The following FUT8 variants were observed in gnomAD, a reference collection of about 807,000 sequenced individuals.
FUT8 encodes the protein fucosyltransferase 8.
In FUT8, 29 loss-of-function variants were observed where a neutral mutation model predicts 71.3. The observed-to-expected ratio is 0.41, with a 90% CI of 0.30 to 0.55. The LOEUF (loss-of-function observed/expected upper bound fraction) is 0.55, where lower values mean the gene tolerates loss of function less well. FUT8 is among the 20% of genes least tolerant of loss of function. FUT8 has a pLI of 0.34. For missense variants in FUT8, 544 were observed against 702.1 expected (o/e 0.77, Z 2.55); for synonymous variants, 254 against 239.3 (o/e 1.06, Z -0.57).
chr14:65,388,141 C>T, the FUT8 span, among the ~76,000 whole-genome samples: 5 of 152,298 alleles, frequency 3.3e-5, no homozygotes, highest in South Asian at 1.0e-3. Flanking sequence ...GATAAAGTTT[C>T]AGCAGTATGG....
At chr14:65,668,416 C>T (rs1044113162) in intron 6 of FUT8, among the ~76,000 whole-genome samples, 5 of 152,104 alleles carry the variant, frequency 3.3e-5, no homozygotes, top group African/African-American at 1.2e-4. Context: ...TTTCAAAAGA[C>T]ATATACACAG....
At chr14:65,524,798 T>TAGCATGCAGA (rs1883333130) in intron 2 of FUT8, among the ~76,000 whole-genome samples, 2 of 152,212 alleles carry the variant, frequency 1.3e-5, no homozygotes, top group Admixed American at 1.3e-4. Context: ...TGTTGAATTT[T>TAGCATGCAGA]GTCAAAGGCC....
intron 3 of FUT8, among the ~76,000 whole-genome samples, chr14:65,580,113 G>T (rs1887002741): frequency 6.9e-6 from 1 of 145,756 alleles, no homozygotes; most frequent in Non-Finnish European, 1.5e-5. Context: ...TTAAGGGCGG[G>T]ATTACATTCT....
At chr14:65,658,527 A>G (rs568659475) in intron 6 of FUT8, among the ~76,000 whole-genome samples, 107 of 152,272 alleles carry the variant, frequency 7.0e-4, no homozygotes, top group African/African-American at 2.5e-3. Context: ...AACAACCCAA[A>G]TGTCCTTCAG....
At chr14:65,410,832 G>T (rs1240508459), upstream of FUT8, 6 of 151,750 alleles carry the variant, frequency 4.0e-5, no homozygotes, top group Non-Finnish European at 7.4e-5. Context: ...AGGCTGAAGT[G>T]GCTACTGACA....
At chr14:65,561,868 C>A in intron 3 of FUT8, 102 bp downstream of exon 3, 2 of 928,040 alleles carry the variant, frequency 2.2e-6, no homozygotes, top group Non-Finnish European at 3.3e-6. Context: ...ATTTTTATAA[C>A]CTGCTGTCTT....
intron 2 of FUT8, among the ~76,000 whole-genome samples, chr14:65,503,432 C>T (rs1040620970): frequency 1.1e-4 from 16 of 152,208 alleles, no homozygotes; most frequent in African/African-American, 3.4e-4. Context: ...TGGCATTTCT[C>T]TGCTTTTGAC....
upstream of FUT8, among the ~76,000 whole-genome samples, chr14:65,408,263 A>G (rs1424381888): frequency 6.6e-6 from 1 of 152,172 alleles, no homozygotes; most frequent in Non-Finnish European, 1.5e-5. Context: ...TCTGGAGAAG[A>G]GTAAACACTG....
At chr14:65,435,608 C>T (rs527827258) in intron 1 of FUT8, among the ~76,000 whole-genome samples, 57 of 151,746 alleles carry the variant, frequency 3.8e-4, no homozygotes, top group African/African-American at 1.3e-3. Context: ...GTTTTCATTT[C>T]ACTTGGGTAA....
At chr14:65,679,591 T>C (rs1281274931) in intron 7 of FUT8, among the ~76,000 whole-genome samples, 2 of 152,224 alleles carry the variant, frequency 1.3e-5, no homozygotes, top group African/African-American at 4.8e-5. Flanking sequence ...TATTGCCTCA[T>C]TGATGAGCAT....
At chr14:65,695,127 A>C (rs1893925836) in intron 7 of FUT8, among the ~76,000 whole-genome samples, 1 of 151,952 alleles carries the variant, frequency 6.6e-6, no homozygotes, top group Non-Finnish European at 1.5e-5. Flanking sequence ...GAACTCGAGA[A>C]GAATGTGCAT....
the FUT8 span, among the ~76,000 whole-genome samples, chr14:65,391,141 C>A: frequency 6.6e-6 from 1 of 152,182 alleles, no homozygotes; most frequent in African/African-American, 2.4e-5. Flanking sequence ...GTCCTGTGTA[C>A]ATTTTTATAC....
Position 65,669,302 on chromosome 14 carries a change from C to T in FUT8, c.657C>T (p.Gly219=). 6.2e-7 allele frequency: 1 copy of T among 1,613,912 alleles called. No homozygotes were observed. The highest frequency in any genetic ancestry group is 1.3e-5 in the African/African-American group (1 of 75,030). ...KLVCNINKGC[G]YGCQLHHVVY... is the part of the protein sequence containing the mutation. ...TGTGTAATATCAACAAAGGCTGTGGCTATGGCTGTCAGCTCCATCATGTGG... is the reference window on the plus strand; with the variant it reads ...TGTGTAATATCAACAAAGGCTGTGGTTATGGCTGTCAGCTCCATCATGTGG... Residue 219 remains glycine, a synonymous_variant, in exon 7 of 11, where the codon GGC becomes GGT. Transcript: ENST00000673929. This position sits in a 1 kb window ranked among gnomAD's most constrained non-coding sequence, Gnocchi z 4.5.
At chr14:65,400,345 T>A in the FUT8 span, among the ~76,000 whole-genome samples, 2 of 152,172 alleles carry the variant, frequency 1.3e-5, no homozygotes, top group Admixed American at 6.5e-5. Flanking sequence ...TTCTTGATAT[T>A]TCTTAAGTTG....
chr14:65,592,363 C>T (rs1887739440), intron 3 of FUT8, among the ~76,000 whole-genome samples: 1 of 151,700 alleles, frequency 6.6e-6, no homozygotes. Flanking sequence ...GCATAAGTGG[C>T]TTCCTATAGA....
chr14:65,668,264 C>G (rs1478839350), intron 6 of FUT8, among the ~76,000 whole-genome samples: 2 of 152,088 alleles, frequency 1.3e-5, no homozygotes, highest in Non-Finnish European at 2.9e-5. Flanking sequence ...AAGCAATTAT[C>G]AACAGAGTAA....
At chr14:65,537,797 A>C (rs1884430612) in intron 2 of FUT8, among the ~76,000 whole-genome samples, 1 of 152,130 alleles carries the variant, frequency 6.6e-6, no homozygotes, top group Admixed American at 6.5e-5. Flanking sequence ...ATTCTGTTTG[A>C]CGACCTTGGG....
chr14:65,512,502 G>C (rs2139822065), intron 2 of FUT8, among the ~76,000 whole-genome samples: 1 of 152,266 alleles, frequency 6.6e-6, no homozygotes, highest in Non-Finnish European at 1.5e-5. Flanking sequence ...CATATATGCA[G>C]TTCGTTGTTG....
At chr14:65,530,236 A>G (rs1183186422) in intron 2 of FUT8, among the ~76,000 whole-genome samples, 2 of 152,134 alleles carry the variant, frequency 1.3e-5, no homozygotes, top group Non-Finnish European at 1.5e-5. Context: ...CACCTCCTAC[A>G]TACTACAGTC....
Sources: allele counts gnomAD v4.1 joint callset (sites outside exome capture counted in the v4.1 genomes callset), GRCh38; gene constraint gnomAD v4.1.1; non-coding constraint Gnocchi (gnomAD v3.1); transcripts MANE v1.5; gene names NCBI Gene and HGNC (gene_info 2026-07-23, HGNC 2026-07-21).